The following STK31 variants were observed in gnomAD, a reference collection of about 807,000 sequenced individuals.
STK31 encodes the protein serine/threonine kinase 31, also known as serine/threonine-protein kinase 31.
Under a neutral mutation model 129.7 loss-of-function variants are expected in STK31, and 89 were observed. The observed-to-expected ratio is 0.69, with a 90% CI of 0.58 to 0.82. STK31 has a LOEUF of 0.82. STK31 is among the 40% of genes least tolerant of loss of function. The pLI, the probability that STK31 is intolerant of heterozygous loss-of-function variation, is 0.00. For missense variants in STK31, 1,187 were observed against 1,176.4 expected (o/e 1.01, Z -0.13); for synonymous variants, 448 against 395.3 (o/e 1.13, Z -1.58).
intron 22 of STK31, among the ~76,000 whole-genome samples, chr7:23,808,149 T>A (rs1375415785): frequency 1.1e-5 from 1 of 93,872 alleles, no homozygotes; most frequent in Non-Finnish European, 2.3e-5. Flanking sequence ...GAATCCTTTT[T>A]AATATATATA....
intron 8 of STK31, among the ~76,000 whole-genome samples, chr7:23,744,962 G>A (rs982963035): frequency 1.3e-5 from 2 of 152,204 alleles, no homozygotes; most frequent in Non-Finnish European, 2.9e-5. Context: ...CAGCAGTGGT[G>A]GGCCAGACAG....
intron 4 of STK31, chr7:23,726,357 TA>T (rs1787070765): frequency 7.3e-6 from 1 of 137,268 alleles, no homozygotes; most frequent in Non-Finnish European, 1.5e-5. Flanking sequence ...CAAGTGCCAG[TA>T]GTGCTAAGGC....
chr7:23,788,874 A>G (rs199533020), intron 21 of STK31, among the ~76,000 whole-genome samples: 4 of 152,156 alleles, frequency 2.6e-5, no homozygotes, highest in East Asian at 3.8e-4. Context: ...TACATTCACA[A>G]AGTCGTGCAG....
intron 23 of STK31, among the ~76,000 whole-genome samples, chr7:23,826,953 T>C (rs1245685194): frequency 6.6e-6 from 1 of 151,964 alleles, no homozygotes; most frequent in Admixed American, 6.6e-5. Context: ...GAGTTTCTGC[T>C]GAGAGATTCA....
intron 8 of STK31, among the ~76,000 whole-genome samples, chr7:23,745,357 C>T (rs1455672787): frequency 6.6e-6 from 1 of 152,140 alleles, no homozygotes; most frequent in Non-Finnish European, 1.5e-5. Context: ...GGATGATGCC[C>T]AGGTTTCCAG....
chr7:23,770,862 A>G lies in STK31; in HGVS notation c.1714-143A>G. On this transcript the variant is annotated intron_variant, in intron 13 of 23. Coordinates refer to ENST00000355870, the MANE Select transcript of STK31 (RefSeq NM_031414.5). Reference sequence around the variant, plus strand: ...TATCTATCTATCTTCTGACTAGGAAAACATTTGTGTTTAAGAACTGTTTTG... The same window carrying G: ...TATCTATCTATCTTCTGACTAGGAAGACATTTGTGTTTAAGAACTGTTTTG... 4 of 871,970 alleles carry G rather than the reference A, an allele frequency of 4.6e-6. No individual in the cohort carries two copies. The South Asian group carries it at 5.9e-5, about 13-fold the overall frequency. The allele number at this position is 871,970 out of a possible 1,614,324, so 54.0% of individuals were successfully genotyped here. A position where few individuals can be genotyped will look rare whatever the true frequency, so the allele number is the denominator to read the frequency against.
chr7:23,818,913 C>G (rs1231374263), intron 23 of STK31, among the ~76,000 whole-genome samples: 1 of 152,244 alleles, frequency 6.6e-6, no homozygotes, highest in Non-Finnish European at 1.5e-5. Context: ...GTGTGAGCCA[C>G]TGCTGGCCCT....
intron 23 of STK31, among the ~76,000 whole-genome samples, chr7:23,829,619 T>C (rs1794421700): frequency 6.6e-6 from 1 of 152,228 alleles, no homozygotes; most frequent in Non-Finnish European, 1.5e-5. Context: ...CTGGTTTTGG[T>C]ATCAAGGTAA....
chr7:23,825,206 T>C (rs1016994634), intron 23 of STK31, among the ~76,000 whole-genome samples: 17 of 152,314 alleles, frequency 1.1e-4, no homozygotes, highest in African/African-American at 3.6e-4. Context: ...TGGTAGAATT[T>C]AGCTGTGAAT....
intron 16 of STK31, among the ~76,000 whole-genome samples, chr7:23,782,663 A>G: frequency 6.6e-6 from 1 of 152,154 alleles, no homozygotes; most frequent in Non-Finnish European, 1.5e-5. Flanking sequence ...TAAATATGTG[A>G]TAAGTGGCTT....
At chr7:23,729,065 T>C in intron 5 of STK31, 26 bp from the exon 6 acceptor site, 1 of 1,567,710 alleles carries the variant, frequency 6.4e-7, no homozygotes, top group East Asian at 2.3e-5. Context: ...GGGTCAGTAT[T>C]CGTATTTGTC....
intron 11 of STK31, among the ~76,000 whole-genome samples, chr7:23,764,822 T>TC (rs941078148): frequency 6.6e-6 from 1 of 151,834 alleles, no homozygotes. Context: ...AAAATGTGTA[T>TC]CCCCCCCATG....
intron 21 of STK31, among the ~76,000 whole-genome samples, chr7:23,790,558 C>T (rs908294146): frequency 1.3e-5 from 2 of 152,036 alleles, no homozygotes; most frequent in Non-Finnish European, 2.9e-5. Context: ...AAAAGAGTAT[C>T]AAATGTTTAA....
chr7:23,736,184 T>G (rs1562559495), intron 7 of STK31, among the ~76,000 whole-genome samples: 1 of 152,248 alleles, frequency 6.6e-6, no homozygotes, highest in Non-Finnish European at 1.5e-5. Context: ...AATCTGCTCC[T>G]AAATCTGAAT....
chr7:23,749,601 C>G (rs1481801560), intron 8 of STK31, among the ~76,000 whole-genome samples: 1 of 151,728 alleles, frequency 6.6e-6, no homozygotes, highest in Admixed American at 6.6e-5. Flanking sequence ...AGTTGACCCA[C>G]TTCAGCCTCC....
chr7:23,832,448 G>A lies in STK31; in HGVS notation c.*82G>A. On this transcript the variant is annotated 3_prime_UTR_variant, in exon 24 of 24. Coordinates refer to ENST00000355870, the MANE Select transcript of STK31 (RefSeq NM_031414.5). ...ACAGAAATATCTAGAAATGTTCTGGGACTAGTTGAGTTGTATCTTTAGTAT... is the reference window on the plus strand; with the variant it reads ...ACAGAAATATCTAGAAATGTTCTGGAACTAGTTGAGTTGTATCTTTAGTAT... The A allele has an allele frequency of 2.0e-6, 2 of 990,202 alleles. No homozygotes were observed. Among genetic ancestry groups the A allele is most frequent in the Non-Finnish European group, 3.0e-6 (2 of 657,946 alleles). The allele number at this position is 990,202 out of a possible 1,614,324, so 61.3% of individuals were successfully genotyped here. A position where few individuals can be genotyped will look rare whatever the true frequency, so the allele number is the denominator to read the frequency against.
intron 16 of STK31, among the ~76,000 whole-genome samples, chr7:23,783,114 C>A (rs1027134920): frequency 6.6e-6 from 1 of 151,870 alleles, no homozygotes; most frequent in South Asian, 2.1e-4. Flanking sequence ...AATTAATAGA[C>A]GAAAAAAGGA....
At chr7:23,723,441 G>A (rs915911148) in intron 4 of STK31, among the ~76,000 whole-genome samples, 7 of 152,082 alleles carry the variant, frequency 4.6e-5, no homozygotes, top group African/African-American at 1.4e-4. Flanking sequence ...TTACAGGTGT[G>A]AGCCACTGTG....
chr7:23,828,298 C>T (rs954710261), intron 23 of STK31, among the ~76,000 whole-genome samples: 6 of 152,342 alleles, frequency 3.9e-5, no homozygotes, highest in South Asian at 2.1e-4. Context: ...CAATGGCAGG[C>T]ACCCCTCCCC....
Sources: gnomAD v4.1 joint callset for allele counts (sites outside exome capture counted in the v4.1 genomes callset) on GRCh38, gnomAD v4.1.1 for gene constraint, MANE v1.5 for transcripts, NCBI Gene and HGNC (gene_info 2026-07-23, HGNC 2026-07-21) for gene names.